The following TEAD4 variants were observed in gnomAD, a reference collection of about 807,000 sequenced individuals.
The protein encoded by TEAD4 is transcriptional enhancer factor TEF-3.
In TEAD4, 36 loss-of-function variants were observed where a neutral mutation model predicts 52.4. The observed-to-expected ratio is 0.69, with a 90% confidence interval of 0.53 to 0.91. TEAD4 has a LOEUF of 0.91. Ranked by LOEUF, TEAD4 falls within the 40% of genes least tolerant of loss-of-function variation. The probability of loss-of-function intolerance (pLI) is 0.00; values close to 1 mark genes in which losing one functional copy is unlikely to be tolerated. For missense variants in TEAD4, 508 were observed against 583.9 expected (o/e 0.87, Z 1.34); for synonymous variants, 220 against 231.0 (o/e 0.95, Z 0.43).
rs1012314634 is a variant in TEAD4, at chr12:2,996,093, C to A, written c.226+1101C>A. Among the ~76,000 whole-genome samples, 4 of 151,224 alleles carry A rather than the reference C, an allele frequency of 2.6e-5. No homozygotes were observed. In the East Asian group the frequency reaches 7.7e-4, roughly 29 times the overall value. On this transcript the variant is annotated intron_variant, in intron 3 of 12. Transcript: ENST00000359864. ...AGGCTTCTGTTCCTGTTGGAAAGTC[C>A]TCTAGGAATCCTAGCTCAAAACAGT...
chr12:2,971,146 C>A (rs1236577388), intron 2 of TEAD4, among the ~76,000 whole-genome samples: 1 of 152,168 alleles, frequency 6.6e-6, no homozygotes. Context: ...ATGGAACTTG[C>A]AGGGAAATGG....
Position 3,037,990 on chromosome 12 carries a change from A to G in TEAD4, c.920A>G (p.Glu307Gly). 1 of 1,613,756 alleles carries G rather than the reference A, an allele frequency of 6.2e-7. No individual in the cohort carries two copies. Among genetic ancestry groups the G allele is most frequent in the Non-Finnish European group, 8.5e-7 (1 of 1,179,784 alleles). Residue 307 changes from glutamate (E) to glycine (G), a missense_variant, in exon 11 of 13, where the codon GAG becomes GGG. Coordinates refer to ENST00000359864, the MANE Select transcript of TEAD4 (RefSeq NM_003213.4). ...CAGGCAGACCTCAACACCAACATCG[A>G]GGATGAAGGCAGCTCCTTCTATGGG... is the stretch of plus-strand genomic sequence containing the variant.
In TEAD4 at chr12:3,000,948, C is replaced by G. The variant is rs994111954; in HGVS notation, c.226+5956C>G. Among the ~76,000 whole-genome samples the G allele has an allele frequency of 4.6e-5, 7 of 152,160 alleles. No homozygotes were observed. In the South Asian group the frequency reaches 1.2e-3, roughly 27 times the overall value. ...GAGTTTCACCTGGGCTCCTGCCCCC[C>G]GCTTCTTCACCATGGCCTCATTTGC... On this transcript the variant is annotated intron_variant, in intron 3 of 12. Coordinates refer to ENST00000359864, the MANE Select transcript of TEAD4 (RefSeq NM_003213.4).
intron 10 of TEAD4, among the ~76,000 whole-genome samples, chr12:3,033,501 G>A (rs900872118): frequency 1.3e-5 from 2 of 152,216 alleles, no homozygotes; most frequent in African/African-American, 4.8e-5. Flanking sequence ...GCCAGGCAGA[G>A]CCGGGCTGCA....
intron 5 of TEAD4, among the ~76,000 whole-genome samples, chr12:3,016,886 A>G (rs1041594808): frequency 3.3e-5 from 5 of 152,130 alleles, no homozygotes; most frequent in Non-Finnish European, 7.4e-5. Flanking sequence ...CTGACACATG[A>G]AAGATGGGTG....
chr12:3,027,546 A>G (rs2098272780), intron 10 of TEAD4, among the ~76,000 whole-genome samples: 1 of 152,220 alleles, frequency 6.6e-6, no homozygotes. Context: ...GCCTGGGCAC[A>G]TGACAAAAAC....
At chr12:3,023,819 A>G (rs2098270338) in intron 10 of TEAD4, among the ~76,000 whole-genome samples, 1 of 149,878 alleles carries the variant, frequency 6.7e-6, no homozygotes, top group Non-Finnish European at 1.5e-5. Flanking sequence ...GAAAAGCATC[A>G]TATTCTTGTC....
In TEAD4 at chr12:3,038,097, G is replaced by C; in HGVS notation, c.1027G>C (p.Glu343Gln). The change falls in exon 11 of 13, where the codon GAG becomes CAG. Residue 343 changes from glutamate to glutamine, a missense_variant. Physicochemically the swap from Glu to Gln is conservative, Grantham distance 29. Coordinates refer to ENST00000359864, the MANE Select transcript of TEAD4 (RefSeq NM_003213.4). ...CTGCTCTTTCGGCAAGCAGGTGGTG[G>C]AGAAAGTTGAGGTAGGAGGCCACCC... 1 of 1,612,624 alleles carries C rather than the reference G, an allele frequency of 6.2e-7. No homozygotes were observed. The highest frequency in any genetic ancestry group is 8.5e-7 in the Non-Finnish European group (1 of 1,178,906).
chr12:2,988,496 G>C (rs11062442), intron 2 of TEAD4, among the ~76,000 whole-genome samples: 23,518 of 123,664 alleles, frequency 0.19, 2,505 homozygotes, highest in African/African-American at 0.31. Context: ...TCCAGCCTGG[G>C]CAAAAAAAGC....
intron 10 of TEAD4, among the ~76,000 whole-genome samples, chr12:3,033,428 GTC>G (rs2098277154): frequency 6.6e-6 from 1 of 152,256 alleles, no homozygotes; most frequent in Non-Finnish European, 1.5e-5. Flanking sequence ...GAGGCCACCT[GTC>G]TCTGGGGCCG....
In TEAD4 at chr12:3,017,305, C is replaced by T. The variant is rs1351418923; in HGVS notation, c.355-93C>T. ...GTCCCCCAGCTCTGGCCACTGGCAG[C>T]GAGACAGCTTCCCTGACCCGAGGGC... On this transcript the variant is annotated intron_variant, in intron 5 of 12. Coordinates refer to ENST00000359864, the MANE Select transcript of TEAD4 (RefSeq NM_003213.4). 16 of 1,554,450 alleles carry T rather than the reference C, an allele frequency of 1.0e-5. No homozygotes were observed. The East Asian group carries it at 3.2e-4, about 31-fold the overall frequency.
intron 5 of TEAD4, chr12:3,017,145 T>C: frequency 3.1e-6 from 2 of 654,566 alleles, no homozygotes; most frequent in South Asian, 3.0e-5. Context: ...TGACAGATAA[T>C]GTCTCTGTAA....
At chr12:2,992,982 C>A (rs992737880) in intron 2 of TEAD4, among the ~76,000 whole-genome samples, 3 of 152,160 alleles carry the variant, frequency 2.0e-5, no homozygotes, top group African/African-American at 7.2e-5. Flanking sequence ...GAAAGTCAAT[C>A]CTGCCGTTGC....
chr12:3,011,984 T>C (rs1002121641), intron 4 of TEAD4, among the ~76,000 whole-genome samples, 186 bp from the exon 5 acceptor site: 25 of 152,328 alleles, frequency 1.6e-4, no homozygotes, highest in African/African-American at 6.0e-4. Context: ...ACTTTTGAAA[T>C]ACTGCCGGTT....
At chr12:2,973,924 G>C (rs552791422) in intron 2 of TEAD4, among the ~76,000 whole-genome samples, 2 of 152,306 alleles carry the variant, frequency 1.3e-5, no homozygotes, top group Admixed American at 1.3e-4. Flanking sequence ...GAATCAGTGG[G>C]GGTGAGTTTT....
chr12:3,020,778 G>T lies in TEAD4; in HGVS notation c.723+5G>T. 1 of 1,583,414 alleles carries T rather than the reference G, an allele frequency of 6.3e-7. No individual in the cohort carries two copies. Among genetic ancestry groups the T allele is most frequent in the Non-Finnish European group, 8.6e-7 (1 of 1,163,908 alleles). On this transcript the variant is annotated splice_donor_5th_base_variant and intron_variant, in intron 9 of 12. Transcript: ENST00000359864. ...CAGCAGCAGGACCCGGACACGGTAGGTCCTGGCCTCTGCCTGTCCAGCTCC... is the reference window on the plus strand; with the variant it reads ...CAGCAGCAGGACCCGGACACGGTAGTTCCTGGCCTCTGCCTGTCCAGCTCC...
At chr12:2,974,733 G>A (rs930710926) in intron 2 of TEAD4, among the ~76,000 whole-genome samples, 2 of 152,066 alleles carry the variant, frequency 1.3e-5, no homozygotes, top group African/African-American at 2.4e-5. Context: ...GGCGTGCACC[G>A]AGGCCCCACC....
At position 2,994,842 on chromosome 12, in the gene TEAD4, G is replaced by A. The variant is rs966389315; in HGVS notation, c.76G>A (p.Gly26Arg). ...CTCCCCTGAGGGGAGCACCGCCTCT[G>A]GGGGCAGTCAGGCACTGGACAAGCC... Residue 26 changes from glycine to arginine, a missense_variant, in exon 3 of 13, where the codon GGG (glycine) becomes AGG (arginine). Coordinates refer to ENST00000359864, the MANE Select transcript of TEAD4 (RefSeq NM_003213.4). The surrounding 1 kb of genome is among the most constrained non-coding windows in gnomAD (Gnocchi z 4.7). The A allele has an allele frequency of 3.1e-6, 5 of 1,613,994 alleles. No individual in the cohort carries two copies. Among genetic ancestry groups the A allele is most frequent in the Non-Finnish European group, 4.2e-6 (5 of 1,180,006 alleles).
chr12:3,003,289 G>A (rs1281945838), intron 3 of TEAD4, among the ~76,000 whole-genome samples: 1 of 152,176 alleles, frequency 6.6e-6, no homozygotes, highest in Non-Finnish European at 1.5e-5. Context: ...ATAGGGCTTC[G>A]TTAACAATAT....
Sources: gnomAD v4.1 joint callset for allele counts (sites outside exome capture counted in the v4.1 genomes callset) on GRCh38, gnomAD v4.1.1 for gene constraint, Gnocchi (gnomAD v3.1) non-coding constraint, MANE v1.5 for transcripts, NCBI Gene and HGNC (gene_info 2026-07-23, HGNC 2026-07-21) for gene names.